NACC2: variants seen among roughly 807,000 people sequenced by gnomAD.
NACC2 encodes the protein NACC family member 2.
NACC2 carries 8 observed loss-of-function variants against 25.1 expected under a neutral mutation model. The ratio of observed to expected loss-of-function variants is 0.32; its 90% confidence interval spans 0.19 to 0.57. The LOEUF is 0.57. Ranked by LOEUF, NACC2 falls within the 20% of genes least tolerant of loss-of-function variation. The pLI is 0.89. For missense variants in NACC2, 644 were observed against 650.2 expected, an observed-to-expected ratio of 0.99 and a Z score of 0.10; for synonymous variants, 435 against 294.7, an observed-to-expected ratio of 1.48 and a Z score of -4.88.
rs1323027437 is a variant in NACC2 at position 136,040,134 on chromosome 9, AG to A, written c.886+9501del. Reference sequence around the variant, plus strand: ...GCTGAGGCGGGTGGATTACAAGGTCAGGGGATTGAGACCATCCTGGCTAACA... The same window carrying A: ...GCTGAGGCGGGTGGATTACAAGGTCAGGGATTGAGACCATCCTGGCTAACA... On this transcript the variant is annotated intron_variant, in intron 2 of 5. Coordinates refer to ENST00000277554, the MANE Select transcript of NACC2 (RefSeq NM_144653.5). Among the ~76,000 whole-genome samples the A allele has an allele frequency of 2.0e-4, 30 of 152,210 alleles. 2 individuals carry two copies. The highest frequency in any genetic ancestry group is 9.2e-4 in the Admixed American group (14 of 15,288).
intron 1 of NACC2, among the ~76,000 whole-genome samples, chr9:136,053,339 G>A (rs933272173): frequency 7.2e-5 from 11 of 152,220 alleles, no homozygotes; most frequent in Non-Finnish European, 1.3e-4. Context: ...GCAAAGGCCC[G>A]TGGAGGTGGC....
chr9:136,076,493 C>G (rs567524429), intron 1 of NACC2, among the ~76,000 whole-genome samples: 2 of 152,268 alleles, frequency 1.3e-5, no homozygotes, highest in East Asian at 1.9e-4. Flanking sequence ...CAGAGCAGGA[C>G]AGTTCAGAGA....
chr9:136,011,592 C>T lies in NACC2; in HGVS notation c.1688G>A (p.Gly563Glu). The T allele has an allele frequency of 7.0e-7, 1 of 1,429,804 alleles. No individual in the cohort carries two copies. The highest frequency in any genetic ancestry group is 9.1e-7 in the Non-Finnish European group (1 of 1,100,310). The allele number at this position is 1,429,804 out of a possible 1,614,324, so 88.6% of individuals were successfully genotyped here. Residue 563 changes from glycine (G) to glutamate (E), a missense_variant, in exon 6 of 6, where the codon GGG (glycine) becomes GAG (glutamate). Coordinates refer to ENST00000277554, the MANE Select transcript of NACC2 (RefSeq NM_144653.5). ...CGTCTGGGGCCTGCTGGGGCCGCCC[C>T]CGCCCTGCTCAAAGGGCTGTGGGGG... ...QSPPQPFEQG[G>E]GGPSRPQTPA... is the part of the protein sequence containing the mutation.
At chr9:136,043,529 A>G (rs900468972) in intron 2 of NACC2, among the ~76,000 whole-genome samples, 1 of 152,232 alleles carries the variant, frequency 6.6e-6, no homozygotes, top group Admixed American at 6.5e-5. Context: ...GGCCTCATGC[A>G]GCCCCTTGGC....
In NACC2 at chr9:136,018,135, G is replaced by GGCCGC. The variant is rs1241847080; in HGVS notation, c.887-1711_887-1707dup. 1.3e-5 allele frequency among the ~76,000 whole-genome samples: 2 copies of GGCCGC among 152,142 alleles called. No individual in the cohort carries two copies. The highest frequency in any genetic ancestry group is 2.9e-5 in the Non-Finnish European group (2 of 67,990). ...GCAGCTCCATGCAGAGCCCACCTGC[G>GGCCGC]GCCGCACCGCACCAGGACGCTCAGA... is the stretch of plus-strand genomic sequence containing the variant. On this transcript the variant is annotated intron_variant, in intron 2 of 5. Transcript: ENST00000277554. This position sits in a 1 kb window ranked among gnomAD's most constrained non-coding sequence, Gnocchi z 4.4.
chr9:136,080,178 C>G (rs959180037), intron 1 of NACC2, among the ~76,000 whole-genome samples: 6 of 152,218 alleles, frequency 3.9e-5, no homozygotes, highest in Admixed American at 3.9e-4. Context: ...TGGCAGGGCC[C>G]TGTAGCCACG....
At chr9:136,089,662 C>T (rs1021487276) in intron 1 of NACC2, among the ~76,000 whole-genome samples, 1 of 151,916 alleles carries the variant, frequency 6.6e-6, no homozygotes, top group Non-Finnish European at 1.5e-5. Flanking sequence ...GACCCCTGTC[C>T]CCATTCAGAA....
chr9:136,021,469 G>A (rs531891006), intron 2 of NACC2, among the ~76,000 whole-genome samples: 4 of 152,330 alleles, frequency 2.6e-5, no homozygotes, highest in South Asian at 2.1e-4. Flanking sequence ...AAGTGCTGGC[G>A]AGGACACGGG....
chr9:136,034,402 G>A (rs903916057), intron 2 of NACC2, among the ~76,000 whole-genome samples: 13 of 151,992 alleles, frequency 8.6e-5, no homozygotes, highest in South Asian at 2.1e-4. Context: ...AGGGAGGAAG[G>A]TCAGGAAGAA....
chr9:136,050,914 A>G (rs1237009666), intron 1 of NACC2, among the ~76,000 whole-genome samples: 1 of 151,956 alleles, frequency 6.6e-6, no homozygotes, highest in Non-Finnish European at 1.5e-5. Context: ...CTGCCCCGGG[A>G]CAGGAGGTGG....
intron 1 of NACC2, among the ~76,000 whole-genome samples, chr9:136,064,780 G>A (rs920515581): frequency 1.3e-5 from 2 of 152,124 alleles, no homozygotes; most frequent in Admixed American, 6.5e-5. Context: ...TAAAAAAGAG[G>A]AGCGAAGTTA....
At chr9:136,094,253 G>A (rs1358342571) in intron 1 of NACC2, among the ~76,000 whole-genome samples, 1 of 152,130 alleles carries the variant, frequency 6.6e-6, no homozygotes, top group Non-Finnish European at 1.5e-5. Context: ...GCGGGGGTTG[G>A]GGGAGGGAGT....
chr9:136,080,663 A>G (rs1164590655), intron 1 of NACC2, among the ~76,000 whole-genome samples: 1 of 151,832 alleles, frequency 6.6e-6, no homozygotes, highest in South Asian at 2.1e-4. Context: ...CAGGAAGGAC[A>G]CTCCACGGAG....
chr9:136,036,567 G>A (rs1355359032), intron 2 of NACC2, among the ~76,000 whole-genome samples: 14 of 151,682 alleles, frequency 9.2e-5, no homozygotes, highest in South Asian at 2.1e-4. Context: ...ATATACACAC[G>A]TATATTAGCT....
At chr9:136,033,432 T>C (rs1463216842) in intron 2 of NACC2, among the ~76,000 whole-genome samples, 2 of 151,904 alleles carry the variant, frequency 1.3e-5, no homozygotes, top group Non-Finnish European at 2.9e-5. Flanking sequence ...TCATCTGAGG[T>C]CAGGAGTTCA....
At chr9:136,082,609 T>C (rs1187840173) in intron 1 of NACC2, among the ~76,000 whole-genome samples, 1 of 152,226 alleles carries the variant, frequency 6.6e-6, no homozygotes, top group African/African-American at 2.4e-5. Context: ...CAGGTGCTGC[T>C]GAGCTGATGG....
intron 1 of NACC2, among the ~76,000 whole-genome samples, chr9:136,089,840 G>A (rs1830417472): frequency 1.3e-5 from 2 of 151,594 alleles, no homozygotes; most frequent in South Asian, 4.2e-4. Flanking sequence ...GGGTCAGTGT[G>A]GAATAAGAAT....
Position 136,086,587 on chromosome 9 carries a change from T to C in NACC2, c.-60+8602A>G, listed in dbSNP as rs1830380932. On this transcript the variant is annotated intron_variant, in intron 1 of 5. Coordinates refer to ENST00000277554, the MANE Select transcript of NACC2 (RefSeq NM_144653.5). The surrounding 1 kb of genome is among the most constrained non-coding windows in gnomAD (Gnocchi z 5.6). The stretch of plus-strand genomic sequence containing the variant: ...TCCACTGTGACCCACACGCTGTCAT[T>C]TCCAGGCCACTTCCTATGACATGGA... Among the ~76,000 whole-genome samples, 2 of 152,148 alleles carry C rather than the reference T, an allele frequency of 1.3e-5. No individual in the cohort carries two copies. The highest frequency in any genetic ancestry group is 2.9e-5 in the Non-Finnish European group (2 of 68,010).
At chr9:136,080,497 G>A (rs1205472590) in intron 1 of NACC2, among the ~76,000 whole-genome samples, 2 of 152,130 alleles carry the variant, frequency 1.3e-5, no homozygotes, top group East Asian at 3.9e-4. Flanking sequence ...GCTTCAACCT[G>A]GGAGGCAGAG....
Sources: gnomAD v4.1 joint callset for allele counts (sites outside exome capture counted in the v4.1 genomes callset) on GRCh38, gnomAD v4.1.1 for gene constraint, Gnocchi (gnomAD v3.1) non-coding constraint, MANE v1.5 for transcripts, NCBI Gene and HGNC (gene_info 2026-07-23, HGNC 2026-07-21) for gene names.